The following PGM1 variants were observed in gnomAD, a reference collection of about 807,000 sequenced individuals.
PGM1 encodes phosphoglucomutase-1.
In PGM1, 52 loss-of-function variants were observed where a neutral mutation model predicts 55.6. The observed-to-expected ratio is 0.94, with a 90% confidence interval of 0.75 to 1.18. PGM1 has a LOEUF of 1.18. Ranked by LOEUF, PGM1 falls within the 50% of genes most tolerant of loss-of-function variation. The probability of loss-of-function intolerance (pLI) is 0.00; values close to 1 mark genes in which losing one functional copy is unlikely to be tolerated. For synonymous variants in PGM1, 287 were observed against 271.7 expected, an observed-to-expected ratio of 1.06 and a Z score of -0.55; for missense variants, 724 against 729.3, an observed-to-expected ratio of 0.99 and a Z score of 0.08.
At chr1:63,614,404 G>A (rs1258254086) in intron 1 of PGM1, among the ~76,000 whole-genome samples, 7 of 152,118 alleles carry the variant, frequency 4.6e-5, no homozygotes, top group Non-Finnish European at 1.5e-5. Flanking sequence ...TCTCACTGAA[G>A]CCTTGATTGA....
At chr1:63,594,788 C>CAAAAAAAAAA (rs34661751) in intron 1 of PGM1, among the ~76,000 whole-genome samples, 220 of 90,324 alleles carry the variant, frequency 2.4e-3, no homozygotes, top group Non-Finnish European at 3.4e-3. Flanking sequence ...CTAAAAAATA[C>CAAAAAAAAAA]AAAAAAAAAA....
At chr1:63,653,547 G>C (rs1040347518) in intron 9 of PGM1, among the ~76,000 whole-genome samples, 1 of 152,188 alleles carries the variant, frequency 6.6e-6, no homozygotes. Flanking sequence ...CCTTTTTACA[G>C]AGGATGGATA....
intron 10 of PGM1, chr1:63,655,731 T>C (rs989158560): frequency 6.6e-6 from 1 of 152,236 alleles, no homozygotes; most frequent in Non-Finnish European, 1.5e-5. Flanking sequence ...TACAATGCAA[T>C]GCACCATAAA....
chr1:63,635,686 A>G (rs1196832246), intron 5 of PGM1, among the ~76,000 whole-genome samples: 1 of 152,216 alleles, frequency 6.6e-6, no homozygotes, highest in Non-Finnish European at 1.5e-5. Context: ...TTCCTGAAAA[A>G]TGATTTTTCC....
At chr1:63,646,964 C>A (rs538071517) in intron 7 of PGM1, among the ~76,000 whole-genome samples, 2 of 151,832 alleles carry the variant, frequency 1.3e-5, no homozygotes, top group African/African-American at 2.4e-5. Flanking sequence ...CAAATGTGGC[C>A]GGGCATGGTG....
At chr1:63,615,660 T>A (rs532579528) in intron 1 of PGM1, among the ~76,000 whole-genome samples, 1 of 147,388 alleles carries the variant, frequency 6.8e-6, no homozygotes, top group Admixed American at 6.8e-5. Context: ...CCTCCCGGGT[T>A]CCAGCGATTC....
At chr1:63,629,646 C>G in intron 2 of PGM1, 59 bp downstream of exon 2, 1 of 1,528,896 alleles carries the variant, frequency 6.5e-7, no homozygotes, top group South Asian at 1.1e-5. Flanking sequence ...CAAATCAATA[C>G]CTGGAGCCTT....
chr1:63,652,730 C>G (rs935545118), intron 9 of PGM1, among the ~76,000 whole-genome samples: 1 of 152,114 alleles, frequency 6.6e-6, no homozygotes, highest in Non-Finnish European at 1.5e-5. Flanking sequence ...AGGGCCGGGC[C>G]GTGGGATTTA....
At chr1:63,657,667 C>T (rs990944889) in intron 10 of PGM1, among the ~76,000 whole-genome samples, 1 of 152,208 alleles carries the variant, frequency 6.6e-6, no homozygotes, top group Non-Finnish European at 1.5e-5. Context: ...TACCACCTTT[C>T]TCCTTCCTGT....
rs1338738820 is a variant in PGM1, at chr1:63,648,754, C to T, written c.1280+102C>T. The T allele has an allele frequency of 1.7e-5, 21 of 1,264,646 alleles. No homozygotes were observed. The East Asian group carries it at 4.4e-4, about 27-fold the overall frequency. The allele number at this position is 1,264,646 out of a possible 1,614,324, so 78.3% of individuals were successfully genotyped here. A position where few individuals can be genotyped will look rare whatever the true frequency, so the allele number is the denominator to read the frequency against. On this transcript the variant is annotated intron_variant, in intron 8 of 10. Coordinates refer to ENST00000371084, the MANE Select transcript of PGM1 (RefSeq NM_002633.3). ...TCCTGTCTTAAGTGCTAATAAAACC[C>T]TAGGTCATCCAGCCTCTCTCAATTG...
rs1207474295 is a variant in PGM1, at chr1:63,641,150, T to C, written c.1144+2350T>C. 2.6e-5 allele frequency among the ~76,000 whole-genome samples: 4 copies of C among 152,348 alleles called. No homozygotes were observed. In the East Asian group the frequency reaches 5.8e-4, roughly 22 times the overall value. On this transcript the variant is annotated intron_variant, in intron 7 of 10. Coordinates refer to ENST00000371084, the MANE Select transcript of PGM1 (RefSeq NM_002633.3). ...AAAGTATTAGACTTTAGACTATTGT[T>C]AAAGTTTGTTCTCATTTATTAACAC... is the stretch of plus-strand genomic sequence containing the variant.
chr1:63,594,018 C>G, intron 1 of PGM1: 4 of 1,124,180 alleles, frequency 3.6e-6, no homozygotes, highest in South Asian at 3.8e-5. Flanking sequence ...CCCGACTCTC[C>G]GTCTCTAGCC....
chr1:63,642,129 A>G (rs1388111215), intron 7 of PGM1, among the ~76,000 whole-genome samples: 1 of 152,200 alleles, frequency 6.6e-6, no homozygotes, highest in African/African-American at 2.4e-5. Context: ...TGCGGGAAGA[A>G]ATGCACTTTT....
intron 1 of PGM1, among the ~76,000 whole-genome samples, chr1:63,622,483 G>A (rs1367562653): frequency 6.6e-6 from 1 of 152,174 alleles, no homozygotes; most frequent in Non-Finnish European, 1.5e-5. Context: ...TTTATTAAAA[G>A]TCAAGTATGC....
In PGM1 at chr1:63,629,439, T is replaced by C. The variant is rs147540336; in HGVS notation, c.261T>C (p.Val87=). The part of the protein sequence containing the change: ...IAAANGIGRL[V]IGQNGILSTP... ...TCTTCTCCTAGATCGGTCGCTTGGT[T>C]ATCGGACAGAATGGAATCCTCTCCA... The change falls in exon 2 of 11, where the codon GTT becomes GTC. Residue 87 remains valine, a synonymous_variant. Transcript: ENST00000371084. 33 of 1,613,518 alleles carry C rather than the reference T, an allele frequency of 2.0e-5. No individual in the cohort carries two copies. In the African/African-American group the frequency reaches 2.7e-4, roughly 13 times the overall value.
chr1:63,604,532 A>G (rs1648356704), intron 1 of PGM1, among the ~76,000 whole-genome samples: 1 of 152,162 alleles, frequency 6.6e-6, no homozygotes, highest in Admixed American at 6.5e-5. Context: ...TCCACTGGGA[A>G]GATCTAACAT....
intron 10 of PGM1, 28 bp from the exon 11 acceptor site, chr1:63,659,558 G>T (rs1468007568): frequency 1.3e-6 from 2 of 1,578,508 alleles, no homozygotes; most frequent in Admixed American, 3.3e-5. Flanking sequence ...GGAAGTGATG[G>T]AAAAGCTTCT....
At chr1:63,645,920 A>C (rs551075509) in intron 7 of PGM1, among the ~76,000 whole-genome samples, 1 of 152,340 alleles carries the variant, frequency 6.6e-6, no homozygotes, top group African/African-American at 2.4e-5. Flanking sequence ...GATGCCCGTA[A>C]GAAGCACACA....
intron 1 of PGM1, among the ~76,000 whole-genome samples, chr1:63,606,969 G>A (rs1648436754): frequency 1.3e-5 from 2 of 152,112 alleles, no homozygotes; most frequent in South Asian, 4.1e-4. Context: ...ACTTTATTGA[G>A]GTATGATTCA....
Sources: gnomAD v4.1 joint callset for allele counts (sites outside exome capture counted in the v4.1 genomes callset) on GRCh38, gnomAD v4.1.1 for gene constraint, MANE v1.5 for transcripts, NCBI Gene and HGNC (gene_info 2026-07-23, HGNC 2026-07-21) for gene names.